Variants in SREBF2 observed in about 807,000 individuals in gnomAD.
SREBF2 encodes the protein sterol regulatory element binding transcription factor 2, also known as sterol regulatory element-binding protein 2.
In SREBF2, 55 loss-of-function variants were observed where a neutral mutation model predicts 113.1. The observed-to-expected ratio is 0.49, with a 90% CI of 0.39 to 0.61. SREBF2 has a LOEUF of 0.61. SREBF2 is among the 20% of genes least tolerant of loss of function. SREBF2 has a pLI of 0.00. For synonymous variants in SREBF2, 593 were observed against 605.7 expected (o/e 0.98, Z 0.31); for missense variants, 1,349 against 1,487.4 (o/e 0.91, Z 1.53).
intron 4 of SREBF2, 77 bp downstream of exon 4, chr22:41,871,112 C>G: frequency 6.3e-7 from 1 of 1,584,174 alleles, no homozygotes; most frequent in South Asian, 1.1e-5. Context: ...GATGTTAAAT[C>G]TCTATATGCT....
Position 41,906,305 on chromosome 22 carries a change from G to A in SREBF2, c.*645G>A, listed in dbSNP as rs940113350. The A allele has an allele frequency of 1.4e-5, 3 of 221,394 alleles. No individual in the cohort carries two copies. The highest frequency in any genetic ancestry group is 1.1e-4 in the Admixed American group (2 of 18,958). 13.7% of individuals were successfully genotyped at this position (221,394 alleles called of 1,614,324 possible). ...CTGGTGGGAGGCAGGGGGCAGGCCT[G>A]CGGATGCATGAAATAATGTTGGCAT... On this transcript the variant is annotated 3_prime_UTR_variant, in exon 19 of 19. Coordinates refer to ENST00000361204, the MANE Select transcript of SREBF2 (RefSeq NM_004599.4).
intron 1 of SREBF2, among the ~76,000 whole-genome samples, chr22:41,864,261 T>TATATATATATATATATATATATAC (rs1204150898): frequency 2.0e-5 from 1 of 51,014 alleles, no homozygotes; most frequent in Non-Finnish European, 3.6e-5. Context: ...TATATATATA[T>TATATATATATATATATATATATAC]ACACACACAC....
chr22:41,833,204 G>A lies in SREBF2; in HGVS notation c.-67G>A. The A allele has an allele frequency of 7.6e-7, 1 of 1,314,190 alleles. No homozygotes were observed. Among genetic ancestry groups the A allele is most frequent in the Non-Finnish European group, 1.0e-6 (1 of 972,198 alleles). The allele number at this position is 1,314,190 out of a possible 1,614,324, so 81.4% of individuals were successfully genotyped here. Reference sequence around the variant, plus strand: ...GGGTTGTCGGGTGTCATGGGCGGTGGCGACGGCACCGCCCCCGCGTCTCCC... The same window carrying A: ...GGGTTGTCGGGTGTCATGGGCGGTGACGACGGCACCGCCCCCGCGTCTCCC... On this transcript the variant is annotated 5_prime_UTR_variant, in exon 1 of 19. Coordinates refer to ENST00000361204, the MANE Select transcript of SREBF2 (RefSeq NM_004599.4). This position sits in a 1 kb window ranked among gnomAD's most constrained non-coding sequence, Gnocchi z 4.1.
chr22:41,897,497 C>A (rs1281262863), intron 14 of SREBF2, among the ~76,000 whole-genome samples: 3 of 152,182 alleles, frequency 2.0e-5, no homozygotes, highest in African/African-American at 7.2e-5. Flanking sequence ...TTCAGATGCA[C>A]AGTGGCCCCT....
chr22:41,864,261 T>TACAC (rs1158750306), intron 1 of SREBF2, among the ~76,000 whole-genome samples: 21 of 50,992 alleles, frequency 4.1e-4, no homozygotes, highest in East Asian at 6.0e-4. Context: ...TATATATATA[T>TACAC]ACACACACAC....
intron 14 of SREBF2, among the ~76,000 whole-genome samples, chr22:41,898,112 CT>C (rs1374964704): frequency 6.6e-6 from 1 of 150,862 alleles, no homozygotes; most frequent in Non-Finnish European, 1.5e-5. Flanking sequence ...CGGGAGTGAA[CT>C]TTTTTATTTT....
At chr22:41,903,662 T>C (rs1253515368) in intron 17 of SREBF2, among the ~76,000 whole-genome samples, 1 of 152,270 alleles carries the variant, frequency 6.6e-6, no homozygotes, top group Non-Finnish European at 1.5e-5. Context: ...AGCTATTTCC[T>C]TTTTTGTTTA....
chr22:41,860,887 TA>T (rs989958334), intron 1 of SREBF2, among the ~76,000 whole-genome samples: 7 of 144,626 alleles, frequency 4.8e-5, no homozygotes, highest in Admixed American at 6.9e-5. Context: ...CTCAAAAAAA[TA>T]AAAAAAAAAG....
chr22:41,852,593 T>G (rs769512615), intron 1 of SREBF2, among the ~76,000 whole-genome samples: 1 of 152,194 alleles, frequency 6.6e-6, no homozygotes, highest in Non-Finnish European at 1.5e-5. Flanking sequence ...TTTCCCAGTT[T>G]TGGTCACTTT....
chr22:41,885,928 T>C (rs1249567839), intron 11 of SREBF2: 3 of 152,246 alleles, frequency 2.0e-5, no homozygotes, highest in Non-Finnish European at 2.9e-5. Context: ...TCTTTATGTC[T>C]ACACTTGATC....
intron 10 of SREBF2, 82 bp downstream of exon 10, chr22:41,881,074 G>T (rs965984763): frequency 6.5e-7 from 1 of 1,542,006 alleles, no homozygotes; most frequent in African/African-American, 1.4e-5. Context: ...TGCCAGTTCT[G>T]CACCCTAGCT....
chr22:41,848,377 G>A (rs767141036), intron 1 of SREBF2, among the ~76,000 whole-genome samples: 23 of 152,178 alleles, frequency 1.5e-4, no homozygotes, highest in Admixed American at 3.9e-4. Flanking sequence ...GTGAGCCACC[G>A]CGCCTGGCCT....
chr22:41,861,924 A>C (rs2077030878), intron 1 of SREBF2, among the ~76,000 whole-genome samples: 1 of 152,118 alleles, frequency 6.6e-6, no homozygotes. Context: ...GTCTCAAAAA[A>C]AAAAAAAATT....
At position 41,875,422 on chromosome 22, in the gene SREBF2, T is replaced by C. The variant is rs1262210875; in HGVS notation, c.1175T>C (p.Met392Thr). Residue 392 changes from methionine to threonine, a missense_variant, in exon 6 of 19, where the codon ATG (methionine) becomes ACG (threonine). Physicochemically the swap from Met to Thr is moderately conservative, Grantham distance 81. Transcript: ENST00000361204. ...AATCATAAACTGCGCCAGGAGAACA[T>C]GGTGCTGAAGCTGGCAAATCAAAAG... ...QVNHKLRQENMVLKLANQKNK... is the reference protein window; with the variant it reads ...QVNHKLRQENTVLKLANQKNK... 2 of 1,614,178 alleles carry C rather than the reference T, an allele frequency of 1.2e-6. No homozygotes were observed. The highest frequency in any genetic ancestry group is 1.7e-6 in the Non-Finnish European group (2 of 1,180,040).
chr22:41,867,343 A>T, intron 2 of SREBF2, 63 bp downstream of exon 2: 1 of 1,551,652 alleles, frequency 6.4e-7, no homozygotes, highest in Non-Finnish European at 8.9e-7. Flanking sequence ...CAGTTTGCAG[A>T]CACTGTAAAT....
chr22:41,870,628 CAAAA>C (rs133289), intron 3 of SREBF2, among the ~76,000 whole-genome samples: 5 of 56,150 alleles, frequency 8.9e-5, no homozygotes, highest in Non-Finnish European at 1.6e-4. Context: ...CCTGTCTCAG[CAAAA>C]AAAAAAAAAA....
Position 41,842,236 on chromosome 22 carries a change from G to A in SREBF2, c.88+8878G>A, listed in dbSNP as rs538391860. 3.2e-4 allele frequency among the ~76,000 whole-genome samples: 49 copies of A among 152,174 alleles called. No individual in the cohort carries two copies. The South Asian group carries it at 9.3e-3, about 29-fold the overall frequency. Reference sequence around the variant, plus strand: ...TACCCACTATCTGCGTAGTCCCACCGCTCCCTCACAAGTAATTAAATTTTT... The same window carrying A: ...TACCCACTATCTGCGTAGTCCCACCACTCCCTCACAAGTAATTAAATTTTT... On this transcript the variant is annotated intron_variant, in intron 1 of 18. Transcript: ENST00000361204.
At chr22:41,841,960 A>T (rs2076834020) in intron 1 of SREBF2, among the ~76,000 whole-genome samples, 1 of 152,166 alleles carries the variant, frequency 6.6e-6, no homozygotes, top group Non-Finnish European at 1.5e-5. Flanking sequence ...TGTTCTGAAT[A>T]CTTGTGAACA....
intron 1 of SREBF2, among the ~76,000 whole-genome samples, chr22:41,849,168 C>T (rs1175206653): frequency 1.3e-5 from 2 of 152,018 alleles, no homozygotes; most frequent in African/African-American, 2.4e-5. Flanking sequence ...TGCATGCAGT[C>T]CTGGCAGATT....
Sources: gnomAD v4.1 joint callset for allele counts (sites outside exome capture counted in the v4.1 genomes callset) on GRCh38, gnomAD v4.1.1 for gene constraint, Gnocchi (gnomAD v3.1) non-coding constraint, MANE v1.5 for transcripts, NCBI Gene and HGNC (gene_info 2026-07-23, HGNC 2026-07-21) for gene names.